ADGRL3: variants seen among roughly 807,000 people sequenced by gnomAD.
ADGRL3 encodes the protein calcium-independent alpha-latrotoxin receptor 3.
A neutral mutation model predicts 153.5 loss-of-function variants in ADGRL3; 62 were observed. The ratio of observed to expected loss-of-function variants is 0.40; its 90% CI spans 0.33 to 0.50. ADGRL3 has a LOEUF of 0.50. ADGRL3 is among the 20% of genes least tolerant of loss of function. The pLI is 0.47. For synonymous variants in ADGRL3, 710 were observed against 672.5 expected (o/e 1.06, Z -0.86); for missense variants, 1,641 against 1,859.4 (o/e 0.88, Z 2.16).
intron 8 of ADGRL3, among the ~76,000 whole-genome samples, chr4:61,765,337 A>C (rs2096963824): frequency 6.6e-6 from 1 of 152,162 alleles, no homozygotes; most frequent in African/African-American, 2.4e-5. Context: ...AGGAGCGTCT[A>C]TACAGGAGCT....
At chr4:61,665,803 C>T (rs923998720) in intron 5 of ADGRL3, among the ~76,000 whole-genome samples, 2 of 152,130 alleles carry the variant, frequency 1.3e-5, no homozygotes, top group Non-Finnish European at 2.9e-5. Context: ...AGATGAGTCT[C>T]TCTAAAGTCA....
chr4:61,389,472 GT>G (rs1384338411), intron 2 of ADGRL3, among the ~76,000 whole-genome samples: 4 of 152,052 alleles, frequency 2.6e-5, no homozygotes, highest in African/African-American at 4.8e-5. Context: ...AGTAATGTCT[GT>G]TTTTTTACAG....
chr4:61,931,655 C>A (rs182068729), intron 13 of ADGRL3, among the ~76,000 whole-genome samples: 3 of 152,172 alleles, frequency 2.0e-5, no homozygotes, highest in African/African-American at 7.2e-5. Flanking sequence ...TGAACAGGTG[C>A]GTTTTTGAGC....
chr4:61,676,442 G>A (rs1308113380), intron 5 of ADGRL3, among the ~76,000 whole-genome samples: 1 of 151,716 alleles, frequency 6.6e-6, no homozygotes, highest in East Asian at 1.9e-4. Flanking sequence ...AATAAACTCT[G>A]TGGTTATATT....
At chr4:61,717,926 C>T (rs779803885) in intron 6 of ADGRL3, among the ~76,000 whole-genome samples, 5 of 152,038 alleles carry the variant, frequency 3.3e-5, no homozygotes, top group Non-Finnish European at 4.4e-5. Context: ...CCTAGCTACT[C>T]GGGTGGCTGA....
chr4:61,823,850 A>G (rs2097776908), intron 9 of ADGRL3, among the ~76,000 whole-genome samples: 1 of 152,150 alleles, frequency 6.6e-6, no homozygotes, highest in African/African-American at 2.4e-5. Flanking sequence ...TCACGAGGTC[A>G]GGAGATCAAG....
intron 8 of ADGRL3, among the ~76,000 whole-genome samples, chr4:61,769,002 C>A (rs892664407): frequency 6.6e-6 from 1 of 151,746 alleles, no homozygotes; most frequent in African/African-American, 2.4e-5. Context: ...GGGGTTCTTG[C>A]CCCCTAGGAA....
chr4:61,268,979 C>G (rs1338690637), intron 1 of ADGRL3, among the ~76,000 whole-genome samples: 1 of 151,646 alleles, frequency 6.6e-6, no homozygotes, highest in African/African-American at 2.4e-5. Flanking sequence ...ACTATATCCA[C>G]TCTTTCTTTG....
intron 5 of ADGRL3, among the ~76,000 whole-genome samples, chr4:61,602,409 G>A (rs2099015849): frequency 6.6e-6 from 1 of 152,134 alleles, no homozygotes; most frequent in South Asian, 2.1e-4. Context: ...ACTTGGCAAT[G>A]CATAGAGACA....
rs187564664 is a variant in ADGRL3, at chr4:61,669,200, A to T, written c.474-7626A>T. 6.6e-5 allele frequency among the ~76,000 whole-genome samples: 10 copies of T among 152,250 alleles called. No individual in the cohort carries two copies. The East Asian group carries it at 1.9e-3, about 29-fold the overall frequency. On this transcript the variant is annotated intron_variant, in intron 5 of 26. Coordinates refer to ENST00000683033, the MANE Select transcript of ADGRL3 (RefSeq NM_001387552.1). ...TAATCATGATTAATGTTTTTATTTC[A>T]TAGCCATTTAGTCTCTTTTTATTTG...
chr4:61,997,945 T>C (rs983067342), intron 20 of ADGRL3, among the ~76,000 whole-genome samples: 2 of 152,180 alleles, frequency 1.3e-5, no homozygotes, highest in Non-Finnish European at 2.9e-5. Flanking sequence ...TTTATATTTG[T>C]GTGATTTGGC....
chr4:61,212,396 T>C (rs1238926730), intron 1 of ADGRL3, among the ~76,000 whole-genome samples: 1 of 152,178 alleles, frequency 6.6e-6, no homozygotes, highest in Non-Finnish European at 1.5e-5. Flanking sequence ...TTCAAAACTA[T>C]ATCAAGTAAG....
intron 5 of ADGRL3, among the ~76,000 whole-genome samples, chr4:61,631,512 G>T (rs78130472): frequency 6.6e-6 from 1 of 152,066 alleles, no homozygotes; most frequent in Non-Finnish European, 1.5e-5. Context: ...ATAGATCAAC[G>T]ATTAGTAAAT....
intron 1 of ADGRL3, among the ~76,000 whole-genome samples, chr4:61,274,388 G>A (rs1324365867): frequency 6.6e-6 from 1 of 152,270 alleles, no homozygotes; most frequent in Admixed American, 6.5e-5. Flanking sequence ...GAAGAAATAT[G>A]TTATGAGCTT....
intron 2 of ADGRL3, among the ~76,000 whole-genome samples, chr4:61,479,873 G>A (rs1308091339): frequency 6.6e-6 from 1 of 151,842 alleles, no homozygotes; most frequent in East Asian, 1.9e-4. Flanking sequence ...ACAATTTTAA[G>A]CTTCTTTAAA....
intron 2 of ADGRL3, among the ~76,000 whole-genome samples, chr4:61,406,143 C>G (rs572757916): frequency 6.6e-6 from 1 of 151,790 alleles, no homozygotes; most frequent in Non-Finnish European, 1.5e-5. Context: ...TCTGTGAGAA[C>G]AGATTCTGTG....
chr4:61,370,001 T>G (rs1184027743), intron 1 of ADGRL3, among the ~76,000 whole-genome samples: 1 of 152,044 alleles, frequency 6.6e-6, no homozygotes, highest in African/African-American at 2.4e-5. Context: ...TTCTAGATTT[T>G]CTAGTTTATT....
In ADGRL3 at chr4:61,202,440, GTTTTGGC is replaced by G. The variant is rs1735168110; in HGVS notation, c.-240+677_-240+683del. ...CTGCGTGCCCAGGCTTTGTTAGGCG[GTTTTGGC>G]TGGAGAAAGCTGCCACTTTCGTGGG... On this transcript the variant is annotated intron_variant, in intron 1 of 26. Coordinates refer to ENST00000683033, the MANE Select transcript of ADGRL3 (RefSeq NM_001387552.1). The surrounding 1 kb of genome is among the most constrained non-coding windows in gnomAD (Gnocchi z 5.0). Among the ~76,000 whole-genome samples the G allele has an allele frequency of 2.6e-5, 4 of 152,320 alleles. No individual in the cohort carries two copies. In the South Asian group the frequency reaches 8.3e-4, roughly 32 times the overall value.
intron 2 of ADGRL3, among the ~76,000 whole-genome samples, chr4:61,472,657 C>G (rs2097975813): frequency 6.6e-6 from 1 of 152,066 alleles, no homozygotes; most frequent in African/African-American, 2.4e-5. Flanking sequence ...AATCATGAAC[C>G]AATGGGTCCA....
Sources: gnomAD v4.1 joint callset for allele counts (sites outside exome capture counted in the v4.1 genomes callset) on GRCh38, gnomAD v4.1.1 for gene constraint, Gnocchi (gnomAD v3.1) non-coding constraint, MANE v1.5 for transcripts, NCBI Gene and HGNC (gene_info 2026-07-23, HGNC 2026-07-21) for gene names.